The following SYT9 variants were observed in gnomAD, a reference collection of about 807,000 sequenced individuals.
SYT9 encodes synaptotagmin-9.
In SYT9, 22 loss-of-function variants were observed where a neutral mutation model predicts 48.4. The observed-to-expected ratio is 0.45, with a 90% CI of 0.32 to 0.65. SYT9 has a LOEUF of 0.65. SYT9 is among the 30% of genes least tolerant of loss of function. SYT9 has a pLI of 0.03. For synonymous variants in SYT9, 265 were observed against 245.0 expected (o/e 1.08, Z -0.76); for missense variants, 577 against 622.0 (o/e 0.93, Z 0.77).
intron 3 of SYT9, among the ~76,000 whole-genome samples, chr11:7,329,908 G>T (rs532702681): frequency 1.6e-4 from 25 of 152,238 alleles, no homozygotes; most frequent in African/African-American, 6.0e-4. Context: ...CAGCTCTGTT[G>T]GGATTCCTGT....
At chr11:7,253,223 C>T (rs931768566) in intron 1 of SYT9, among the ~76,000 whole-genome samples, 9 of 152,184 alleles carry the variant, frequency 5.9e-5, no homozygotes, top group Non-Finnish European at 1.3e-4. Flanking sequence ...AGATGTTTCT[C>T]ACCTGGAGAA....
intron 6 of SYT9, among the ~76,000 whole-genome samples, chr11:7,436,136 G>A (rs1459990637): frequency 6.6e-6 from 1 of 152,196 alleles, no homozygotes; most frequent in East Asian, 1.9e-4. Context: ...GGAATTTAAG[G>A]ACTGAGCCCT....
In SYT9 at chr11:7,339,164, G is replaced by A. The variant is rs553942991; in HGVS notation, c.1044+25223G>A. On this transcript the variant is annotated intron_variant, in intron 3 of 6. Transcript: ENST00000318881. ...AAAGTCTGTTTTTATCTGAAGTTAGGATTGCAACTCCTGCTTTTTTCTGAT... is the reference window on the plus strand; with the variant it reads ...AAAGTCTGTTTTTATCTGAAGTTAGAATTGCAACTCCTGCTTTTTTCTGAT... Among the ~76,000 whole-genome samples, 4 of 152,038 alleles carry A rather than the reference G, an allele frequency of 2.6e-5. No homozygotes were observed. The South Asian group carries it at 8.3e-4, about 32-fold the overall frequency.
intron 6 of SYT9, among the ~76,000 whole-genome samples, chr11:7,425,712 C>T (rs1229254302): frequency 6.6e-6 from 1 of 152,174 alleles, no homozygotes; most frequent in African/African-American, 2.4e-5. Context: ...ATGCATTGCC[C>T]TCTGAAGGAG....
chr11:7,302,144 A>C (rs971084302), intron 1 of SYT9, among the ~76,000 whole-genome samples: 2 of 152,190 alleles, frequency 1.3e-5, no homozygotes, highest in African/African-American at 4.8e-5. Flanking sequence ...TGCAGGTTTC[A>C]AATGATGGGA....
chr11:7,409,115 T>C (rs549452496), intron 3 of SYT9, among the ~76,000 whole-genome samples: 12 of 152,240 alleles, frequency 7.9e-5, no homozygotes, highest in Non-Finnish European at 1.8e-4. Flanking sequence ...CATGAAGGGA[T>C]GGTGTATTTT....
intron 3 of SYT9, among the ~76,000 whole-genome samples, chr11:7,394,518 A>G (rs112209703): frequency 0.021 from 3,240 of 152,186 alleles, 113 homozygotes; most frequent in African/African-American, 0.074. Context: ...CTAGTTCTAG[A>G]TCCCTGAGGA....
chr11:7,433,277 G>A (rs1847645178), intron 6 of SYT9, among the ~76,000 whole-genome samples: 5 of 152,098 alleles, frequency 3.3e-5, no homozygotes, highest in Admixed American at 3.3e-4. Context: ...CAATTAATCT[G>A]CTTTTCTTTA....
intron 6 of SYT9, among the ~76,000 whole-genome samples, chr11:7,453,351 C>G (rs1848093613): frequency 6.6e-6 from 1 of 152,164 alleles, no homozygotes; most frequent in African/African-American, 2.4e-5. Context: ...CAGCCATTGG[C>G]TTATCTATCA....
intron 1 of SYT9, among the ~76,000 whole-genome samples, chr11:7,277,933 T>G (rs569713752): frequency 6.6e-6 from 1 of 152,252 alleles, no homozygotes; most frequent in Admixed American, 6.5e-5. Flanking sequence ...TGTGCCAGTC[T>G]GTTTTCTGTT....
upstream of SYT9, among the ~76,000 whole-genome samples, chr11:7,249,846 G>A (rs188424586): frequency 2.1e-3 from 314 of 152,268 alleles, 2 homozygotes; most frequent in African/African-American, 6.4e-3. Context: ...ATGTCTTACT[G>A]TCTACTTTAT....
chr11:7,350,115 G>T (rs1036996371), intron 3 of SYT9, among the ~76,000 whole-genome samples: 1 of 152,298 alleles, frequency 6.6e-6, no homozygotes, highest in Non-Finnish European at 1.5e-5. Context: ...TAAGGATCAG[G>T]CTGGCCGGAC....
intron 3 of SYT9, among the ~76,000 whole-genome samples, chr11:7,370,014 C>T (rs907203811): frequency 5.9e-5 from 9 of 152,006 alleles, no homozygotes; most frequent in African/African-American, 1.9e-4. Flanking sequence ...GCAGTATACA[C>T]GGCACCATAT....
chr11:7,441,209 T>A (rs866617166), intron 6 of SYT9: 1 of 152,216 alleles, frequency 6.6e-6, no homozygotes, highest in African/African-American at 2.4e-5. Context: ...TGAAAGCTCA[T>A]TGATACACAT....
At chr11:7,353,487 C>T (rs1017938787) in intron 3 of SYT9, among the ~76,000 whole-genome samples, 9 of 152,174 alleles carry the variant, frequency 5.9e-5, no homozygotes, top group Non-Finnish European at 1.2e-4. Flanking sequence ...GGCAGATTTC[C>T]GGTAAGTTCT....
chr11:7,294,731 A>G (rs1212670169), intron 1 of SYT9, among the ~76,000 whole-genome samples: 2 of 152,214 alleles, frequency 1.3e-5, no homozygotes, highest in East Asian at 1.9e-4. Flanking sequence ...CTGCTTTGCC[A>G]CATGGCCCAC....
intron 6 of SYT9, among the ~76,000 whole-genome samples, chr11:7,431,341 C>T (rs1270867016): frequency 6.6e-6 from 1 of 152,180 alleles, no homozygotes; most frequent in Non-Finnish European, 1.5e-5. Flanking sequence ...CCAGATGTGG[C>T]CTGGCTGCTT....
At chr11:7,243,594 G>A (rs2119721295) in intron 1 of SYT9, among the ~76,000 whole-genome samples, 1 of 152,280 alleles carries the variant, frequency 6.6e-6, no homozygotes, top group Admixed American at 6.5e-5. Context: ...TTCTTTAAGT[G>A]CTCACTACCC....
chr11:7,366,811 A>G (rs1038477918), intron 3 of SYT9, among the ~76,000 whole-genome samples: 1 of 152,060 alleles, frequency 6.6e-6, no homozygotes, highest in African/African-American at 2.4e-5. Flanking sequence ...TATTGATACA[A>G]CTGGTCTAGG....
Sources: gnomAD v4.1 joint callset for allele counts (sites outside exome capture counted in the v4.1 genomes callset) on GRCh38, gnomAD v4.1.1 for gene constraint, MANE v1.5 for transcripts, NCBI Gene and HGNC (gene_info 2026-07-23, HGNC 2026-07-21) for gene names.